The following GALNT18 variants were observed in gnomAD, a reference collection of about 807,000 sequenced individuals.
The protein encoded by GALNT18 is GalNAc-transferase 18.
Under a neutral mutation model 69.5 loss-of-function variants are expected in GALNT18, and 44 were observed. That is an observed-to-expected ratio of 0.63 (90% CI 0.50 to 0.81). The LOEUF (loss-of-function observed/expected upper bound fraction) is 0.81. Among genes scored for constraint, GALNT18 ranks in the 40% least tolerant of loss-of-function variants. GALNT18 has a pLI of 0.00. For missense variants in GALNT18, 715 were observed against 810.0 expected (o/e 0.88, Z 1.42); for synonymous variants, 364 against 318.2 (o/e 1.14, Z -1.53).
chr11:11,447,163 T>A (rs1855674939), intron 2 of GALNT18, among the ~76,000 whole-genome samples: 1 of 152,194 alleles, frequency 6.6e-6, no homozygotes, highest in Non-Finnish European at 1.5e-5. Context: ...CATGCGTGCT[T>A]CTGCCTCAGG....
intron 3 of GALNT18, among the ~76,000 whole-genome samples, chr11:11,416,532 C>A (rs899118146): frequency 6.6e-6 from 1 of 152,182 alleles, no homozygotes; most frequent in African/African-American, 2.4e-5. Context: ...ATTTCTGTCA[C>A]CCCATCAAAT....
At position 11,271,002 on chromosome 11, in the gene GALNT18, A is replaced by AT. The variant is rs1261415325; in HGVS notation, c.*141dup. Reference sequence around the variant, plus strand: ...GCATCTTTCTATAAACTCCATGAAAATTGAATAGGAAATAAAAAGCTCTTC... The same window carrying AT: ...GCATCTTTCTATAAACTCCATGAAAATTTGAATAGGAAATAAAAAGCTCTTC... On this transcript the variant is annotated 3_prime_UTR_variant, in exon 11 of 11. Coordinates refer to ENST00000227756, the MANE Select transcript of GALNT18 (RefSeq NM_198516.3). 1 of 635,438 alleles carries AT rather than the reference A, an allele frequency of 1.6e-6. No homozygotes were observed. Among genetic ancestry groups the AT allele is most frequent in the Non-Finnish European group, 2.6e-6 (1 of 387,646 alleles). The allele number at this position is 635,438 out of a possible 1,614,324, so 39.4% of individuals were successfully genotyped here.
At position 11,621,534 on chromosome 11, in the gene GALNT18, C is replaced by T. The variant is rs779730098; in HGVS notation, c.60G>A (p.Met20Ile). The T allele has an allele frequency of 6.2e-7, 1 of 1,614,066 alleles. No homozygotes were observed. Among genetic ancestry groups the T allele is most frequent in the South Asian group, 1.1e-5 (1 of 91,072 alleles). The change falls in exon 1 of 11, where the codon ATG becomes ATA. Residue 20 changes from methionine to isoleucine, a missense_variant. Transcript: ENST00000227756. This position sits in a 1 kb window ranked among gnomAD's most constrained non-coding sequence, Gnocchi z 9.3. The stretch of plus-strand genomic sequence containing the variant: ...CGTAGAGCAGGCAGATGATGTTAGT[C>T]ATGCCGCTCAGGATCACGCAAGTGG... The part of the protein sequence containing the change: ...LVSTCVILSG[M>I]TNIICLLYVG...
At chr11:11,610,238 T>C (rs1053113955) in intron 1 of GALNT18, among the ~76,000 whole-genome samples, 11 of 152,220 alleles carry the variant, frequency 7.2e-5, no homozygotes, top group African/African-American at 2.7e-4. Flanking sequence ...TCAACATTAC[T>C]GGAGCAGAAA....
chr11:11,494,422 T>C lies in GALNT18; in HGVS notation c.236-45486A>G. Among the ~76,000 whole-genome samples the C allele has an allele frequency of 6.6e-6, 1 of 152,206 alleles. No homozygotes were observed. Among genetic ancestry groups the C allele is most frequent in the Admixed American group, 6.5e-5 (1 of 15,288 alleles). On this transcript the variant is annotated intron_variant, in intron 1 of 10. Transcript: ENST00000227756. The surrounding 1 kb of genome is among the most constrained non-coding windows in gnomAD (Gnocchi z 5.7). The stretch of plus-strand genomic sequence containing the variant: ...AATGACAACCTACTTCAAGGGGCCA[T>C]GCCCAGGACTGCCACATCCAAGAGG...
chr11:11,440,042 A>C (rs1191299951), intron 2 of GALNT18, among the ~76,000 whole-genome samples: 1 of 152,242 alleles, frequency 6.6e-6, no homozygotes, highest in Non-Finnish European at 1.5e-5. Context: ...TAAGAGCAGA[A>C]TTTGGTGCAA....
In GALNT18 at chr11:11,541,343, A is replaced by G. The variant is rs1023069319; in HGVS notation, c.235+80016T>C. 6.6e-6 allele frequency among the ~76,000 whole-genome samples: 1 copy of G among 151,962 alleles called. No homozygotes were observed. Among genetic ancestry groups the G allele is most frequent in the Non-Finnish European group, 1.5e-5 (1 of 67,994 alleles). Reference sequence around the variant, plus strand: ...ACCAGGGCTTCCTCAAACTCCACCTAGATCACCACCGTTATGATGATGATC... The same window carrying G: ...ACCAGGGCTTCCTCAAACTCCACCTGGATCACCACCGTTATGATGATGATC... On this transcript the variant is annotated intron_variant, in intron 1 of 10. Transcript: ENST00000227756. This position sits in a 1 kb window ranked among gnomAD's most constrained non-coding sequence, Gnocchi z 4.8.
In GALNT18 at chr11:11,468,877, G is replaced by A. The variant is rs78110394; in HGVS notation, c.236-19941C>T. Among the ~76,000 whole-genome samples the A allele has an allele frequency of 7.7e-3, 1,178 of 152,282 alleles. 20 individuals are homozygous for A. Among genetic ancestry groups the A allele is most frequent in the African/African-American group, 0.027 (1,113 of 41,556 alleles). The stretch of plus-strand genomic sequence containing the variant: ...AAAGAAGGATACAGGAGTCCAACAG[G>A]CTCCCTGCCTTCAGCGACCTTCGTT... On this transcript the variant is annotated intron_variant, in intron 1 of 10. Coordinates refer to ENST00000227756, the MANE Select transcript of GALNT18 (RefSeq NM_198516.3).
intron 1 of GALNT18, among the ~76,000 whole-genome samples, chr11:11,615,233 C>CCAT (rs998708289): frequency 6.6e-6 from 1 of 152,204 alleles, no homozygotes; most frequent in Admixed American, 6.5e-5. Context: ...TAAGTAACAT[C>CCAT]CATAAGCTAT....
rs1287023617 is a variant in GALNT18, at chr11:11,530,913, A to C, written c.236-81977T>G. On this transcript the variant is annotated intron_variant, in intron 1 of 10. Coordinates refer to ENST00000227756, the MANE Select transcript of GALNT18 (RefSeq NM_198516.3). ...GAGCAGAGCCAAGGAGGTAGGGTCAAGTGGGAGAGAGTCTACCAGAGCCTC... is the reference window on the plus strand; with the variant it reads ...GAGCAGAGCCAAGGAGGTAGGGTCACGTGGGAGAGAGTCTACCAGAGCCTC... Among the ~76,000 whole-genome samples the C allele has an allele frequency of 2.0e-5, 3 of 152,212 alleles. No individual in the cohort carries two copies. The East Asian group carries it at 5.8e-4, about 29-fold the overall frequency.
intron 1 of GALNT18, among the ~76,000 whole-genome samples, chr11:11,490,169 A>G (rs1856731108): frequency 6.6e-6 from 1 of 151,126 alleles, no homozygotes; most frequent in Non-Finnish European, 1.5e-5. Context: ...TTCTTATAAA[A>G]GGGCAAGTTT....
At chr11:11,568,309 G>T (rs2133992852) in intron 1 of GALNT18, among the ~76,000 whole-genome samples, 1 of 152,226 alleles carries the variant, frequency 6.6e-6, no homozygotes, top group East Asian at 1.9e-4. Context: ...TACAGGAGTA[G>T]CAGGTAGCTC....
At position 11,389,121 on chromosome 11, in the gene GALNT18, G is replaced by A. The variant is rs747793555; in HGVS notation, c.596-9857C>T. ...AATAACCTCATTATTATCTTCAAACGGCAAATGGGAAAAATCAAGGATGAG... is the reference window on the plus strand; with the variant it reads ...AATAACCTCATTATTATCTTCAAACAGCAAATGGGAAAAATCAAGGATGAG... On this transcript the variant is annotated intron_variant, in intron 3 of 10. Transcript: ENST00000227756. This position sits in a 1 kb window ranked among gnomAD's most constrained non-coding sequence, Gnocchi z 4.3. 6.6e-6 allele frequency among the ~76,000 whole-genome samples: 1 copy of A among 152,118 alleles called. No homozygotes were observed. The highest frequency in any genetic ancestry group is 2.4e-5 in the African/African-American group (1 of 41,420).
intron 3 of GALNT18, among the ~76,000 whole-genome samples, chr11:11,420,343 C>T (rs776959601): frequency 1.5e-4 from 23 of 152,070 alleles, no homozygotes; most frequent in Non-Finnish European, 2.6e-4. Flanking sequence ...GCTCATCTTC[C>T]GAAAGATAAT....
rs1048965322 is a variant in GALNT18 at position 11,587,201 on chromosome 11, C to A, written c.235+34158G>T. 6.6e-6 allele frequency among the ~76,000 whole-genome samples: 1 copy of A among 152,168 alleles called. No individual in the cohort carries two copies. The highest frequency in any genetic ancestry group is 2.4e-5 in the African/African-American group (1 of 41,436). ...TATGACTGGTTCTGATTGGACACTG[C>A]CAAATGCCACATTAGCTGTTTATAT... is the stretch of plus-strand genomic sequence containing the variant. On this transcript the variant is annotated intron_variant, in intron 1 of 10. Coordinates refer to ENST00000227756, the MANE Select transcript of GALNT18 (RefSeq NM_198516.3). This position sits in a 1 kb window ranked among gnomAD's most constrained non-coding sequence, Gnocchi z 4.4.
chr11:11,291,799 G>C (rs556489233), intron 10 of GALNT18, among the ~76,000 whole-genome samples: 1 of 152,232 alleles, frequency 6.6e-6, no homozygotes, highest in African/African-American at 2.4e-5. Context: ...ACCTTGTTTT[G>C]AACTTCCAGC....
At position 11,600,322 on chromosome 11, in the gene GALNT18, A is replaced by T. The variant is rs1170825692; in HGVS notation, c.235+21037T>A. On this transcript the variant is annotated intron_variant, in intron 1 of 10. Coordinates refer to ENST00000227756, the MANE Select transcript of GALNT18 (RefSeq NM_198516.3). The surrounding 1 kb of genome is among the most constrained non-coding windows in gnomAD (Gnocchi z 4.8). ...TAGTATTTCTTGTAAGATGGACCTG[A>T]TAACAACAAATTCTGTTTTTGTTTT... is the stretch of plus-strand genomic sequence containing the variant. Among the ~76,000 whole-genome samples the T allele has an allele frequency of 1.3e-5, 2 of 152,098 alleles. No homozygotes were observed. Among genetic ancestry groups the T allele is most frequent in the East Asian group, 1.9e-4 (1 of 5,184 alleles).
chr11:11,579,771 T>C (rs999523130), intron 1 of GALNT18, among the ~76,000 whole-genome samples: 2 of 152,246 alleles, frequency 1.3e-5, no homozygotes, highest in Non-Finnish European at 2.9e-5. Context: ...TATAAATCAA[T>C]GTGCTAAGCC....
intron 9 of GALNT18, among the ~76,000 whole-genome samples, chr11:11,317,389 G>A (rs1034446059): frequency 3.3e-5 from 5 of 152,168 alleles, no homozygotes; most frequent in African/African-American, 9.7e-5. Context: ...GTTATAAGTT[G>A]CTCTACAAAA....
Sources: gnomAD v4.1 joint callset for allele counts (sites outside exome capture counted in the v4.1 genomes callset) on GRCh38, gnomAD v4.1.1 for gene constraint, Gnocchi (gnomAD v3.1) non-coding constraint, MANE v1.5 for transcripts, NCBI Gene and HGNC (gene_info 2026-07-23, HGNC 2026-07-21) for gene names.